The following VPS8 variants were observed in gnomAD, a reference collection of about 807,000 sequenced individuals.
The protein encoded by VPS8 is vacuolar protein sorting-associated protein 8 homolog.
In VPS8, 129 loss-of-function variants were observed where a neutral mutation model predicts 216.4. The observed-to-expected ratio is 0.60, with a 90% confidence interval of 0.52 to 0.69. The LOEUF (loss-of-function observed/expected upper bound fraction) is 0.69, where lower values mean the gene tolerates loss of function less well. Ranked by LOEUF, VPS8 falls within the 30% of genes least tolerant of loss-of-function variation. The pLI is 0.00. For synonymous variants in VPS8, 571 were observed against 565.4 expected, an observed-to-expected ratio of 1.01 and a Z score of -0.14; for missense variants, 1,531 against 1,683.5, an observed-to-expected ratio of 0.91 and a Z score of 1.59.
chr3:184,863,111 T>C, intron 16 of VPS8, 44 bp downstream of exon 16: 1 of 1,597,480 alleles, frequency 6.3e-7, no homozygotes. Context: ...AATACTTTGA[T>C]AAACTTGGTA....
intron 7 of VPS8, among the ~76,000 whole-genome samples, chr3:184,842,656 C>T (rs1019754760): frequency 7.2e-5 from 11 of 152,136 alleles, no homozygotes; most frequent in Non-Finnish European, 1.3e-4. Flanking sequence ...GATCTCATCT[C>T]TGTTAAACAT....
At chr3:184,900,341 A>G (rs1176212591) in intron 24 of VPS8, among the ~76,000 whole-genome samples, 1 of 152,230 alleles carries the variant, frequency 6.6e-6, no homozygotes, top group Non-Finnish European at 1.5e-5. Context: ...CAGCTTCACA[A>G]AAATGGGGGT....
chr3:184,856,881 A>T (rs975222048), intron 14 of VPS8, among the ~76,000 whole-genome samples: 4 of 151,180 alleles, frequency 2.6e-5, no homozygotes, highest in African/African-American at 7.3e-5. Context: ...TTCAGCACTT[A>T]AAAAAAAACA....
chr3:184,893,398 A>G (rs1732743653), intron 22 of VPS8: 2 of 1,087,576 alleles, frequency 1.8e-6, no homozygotes, highest in African/African-American at 1.7e-5. Context: ...AGGAAAAAGT[A>G]AATAATCTCA....
chr3:184,862,546 A>G (rs1018103495), intron 15 of VPS8, among the ~76,000 whole-genome samples: 9 of 152,220 alleles, frequency 5.9e-5, no homozygotes, highest in African/African-American at 2.2e-4. Flanking sequence ...TGTTTCAGCA[A>G]TATCAGAAAA....
chr3:184,849,277 C>G (rs1723804014), intron 9 of VPS8, 82 bp downstream of exon 9: 1 of 1,483,868 alleles, frequency 6.7e-7, no homozygotes. Flanking sequence ...AGATCAAAGA[C>G]CAAAATACGT....
At chr3:184,872,744 T>C (rs1728571812) in intron 21 of VPS8, among the ~76,000 whole-genome samples, 2 of 152,152 alleles carry the variant, frequency 1.3e-5, no homozygotes, top group South Asian at 4.1e-4. Context: ...ATGAAAAATA[T>C]ACATAGCATG....
At chr3:184,995,608 G>C (rs74482178) in intron 43 of VPS8, among the ~76,000 whole-genome samples, 2 of 152,178 alleles carry the variant, frequency 1.3e-5, no homozygotes, top group South Asian at 4.2e-4. Context: ...CTTCCCCTTC[G>C]GGACTGAGAG....
At chr3:184,818,754 C>T (rs778494223) in intron 1 of VPS8, among the ~76,000 whole-genome samples, 2 of 152,064 alleles carry the variant, frequency 1.3e-5, no homozygotes, top group Non-Finnish European at 2.9e-5. Context: ...AAACTTGATT[C>T]TATTTCATTG....
chr3:185,042,853 CT>C (rs1711991618), intron 46 of VPS8, among the ~76,000 whole-genome samples: 1 of 152,168 alleles, frequency 6.6e-6, no homozygotes, highest in Admixed American at 6.5e-5. Context: ...AAGCTGTTGC[CT>C]TTCAAAGCAG....
intron 40 of VPS8, among the ~76,000 whole-genome samples, chr3:184,974,591 GTTACCTGTGA>G (rs1157665079): frequency 1.3e-5 from 2 of 151,738 alleles, no homozygotes; most frequent in African/African-American, 4.8e-5. Context: ...TTTTGTTTTC[GTTACCTGTGA>G]TTTTGAAGTG....
At chr3:184,890,526 A>G (rs1162604998) in intron 22 of VPS8, among the ~76,000 whole-genome samples, 1 of 152,164 alleles carries the variant, frequency 6.6e-6, no homozygotes, top group East Asian at 1.9e-4. Flanking sequence ...TAGTGGCACA[A>G]CCATTATTAC....
At chr3:184,946,732 C>A (rs906852234) in intron 36 of VPS8, among the ~76,000 whole-genome samples, 2 of 152,122 alleles carry the variant, frequency 1.3e-5, no homozygotes, top group East Asian at 3.8e-4. Context: ...TACACATTGC[C>A]ATTCTTCCCT....
In VPS8 at chr3:184,894,774, G is replaced by A; in HGVS notation, c.1853G>A (p.Cys618Tyr). The A allele has an allele frequency of 2.5e-6, 4 of 1,609,698 alleles. No individual in the cohort carries two copies. The highest frequency in any genetic ancestry group is 3.4e-6 in the Non-Finnish European group (4 of 1,177,840). The change falls in exon 23 of 48, where the codon TGC (cysteine) becomes TAC (tyrosine). Residue 618 changes from cysteine (C) to tyrosine (Y), a missense_variant. Physicochemically the swap from Cys to Tyr is radical, Grantham distance 194 (BLOSUM62 -2). Transcript: ENST00000625842. ...GTGGCCAAAGGAGTATTTTTGGAGT[G>A]CCTTGAGCCATATATTTTAAGTGAT... ...NSVAKGVFLE[C>Y]LEPYILSDKL...
intron 38 of VPS8, among the ~76,000 whole-genome samples, chr3:184,965,343 C>T (rs903337802): frequency 6.6e-6 from 1 of 152,132 alleles, no homozygotes; most frequent in African/African-American, 2.4e-5. Context: ...ACTCCTATAC[C>T]TCTTTCTTTT....
rs901113721 is a variant in VPS8, at chr3:185,051,840, C to T, written c.4138-36C>T. ...AGGAGCCTCTCTTCCCTCTGCTCCC[C>T]ACAAACCTTAGCTGATGTGTGTCCT... On this transcript the variant is annotated intron_variant, in intron 47 of 47. Transcript: ENST00000625842. The T allele has an allele frequency of 3.2e-6, 5 of 1,543,168 alleles. No homozygotes were observed. In the South Asian group the frequency reaches 6.4e-5, roughly 20 times the overall value.
intron 25 of VPS8, among the ~76,000 whole-genome samples, chr3:184,902,121 C>G (rs1578159585): frequency 3.4e-5 from 5 of 148,656 alleles, no homozygotes; most frequent in East Asian, 4.1e-4. Context: ...GCCCCCCCCC[C>G]CTTTTTTTTT....
intron 36 of VPS8, among the ~76,000 whole-genome samples, chr3:184,946,727 A>G (rs1442251289): frequency 6.6e-6 from 1 of 152,032 alleles, no homozygotes; most frequent in African/African-American, 2.4e-5. Flanking sequence ...TACACTACAC[A>G]TTGCCATTCT....
intron 10 of VPS8, among the ~76,000 whole-genome samples, chr3:184,851,215 G>A (rs1724180585): frequency 2.0e-5 from 3 of 152,170 alleles, no homozygotes; most frequent in Non-Finnish European, 2.9e-5. Context: ...AGAGATAAAA[G>A]CAGAGAGAAA....
Sources: gnomAD v4.1 joint callset for allele counts (sites outside exome capture counted in the v4.1 genomes callset) on GRCh38, gnomAD v4.1.1 for gene constraint, MANE v1.5 for transcripts, NCBI Gene and HGNC (gene_info 2026-07-23, HGNC 2026-07-21) for gene names.